The following RMST variants were observed in gnomAD, a reference collection of about 807,000 sequenced individuals.
RMST encodes rhabdomyosarcoma 2 associated transcript.
At chr12:97,501,156 T>A (rs1878034258) in intron 10 of RMST, among the ~76,000 whole-genome samples, 1 of 152,202 alleles carries the variant, frequency 6.6e-6, no homozygotes. Flanking sequence ...GGCAGTTTTC[T>A]TATTCATTAG....
exon 14 of RMST, chr12:97,564,807 T>C (rs1884410373): frequency 1.3e-5 from 2 of 152,186 alleles, no homozygotes; most frequent in African/African-American, 4.8e-5. Context: ...TTCAAGAATG[T>C]CTAGTTGCAC....
chr12:97,489,033 C>T (rs1318606509), intron 5 of RMST, among the ~76,000 whole-genome samples: 1 of 152,158 alleles, frequency 6.6e-6, no homozygotes, highest in East Asian at 1.9e-4. Context: ...GTTAAAATTG[C>T]ATCACTGCCA....
intron 11 of RMST, among the ~76,000 whole-genome samples, chr12:97,552,523 A>C (rs1033054965): frequency 6.6e-6 from 1 of 152,114 alleles, no homozygotes; most frequent in Admixed American, 6.6e-5. Context: ...TCAGGGGTAC[A>C]AATAAAGGGC....
chr12:97,560,613 C>T (rs555387892), exon 12 of RMST: 18 of 152,198 alleles, frequency 1.2e-4, no homozygotes, highest in African/African-American at 3.9e-4. Flanking sequence ...CTGGATAAGT[C>T]GACGGAGGCA....
chr12:97,477,196 G>A (rs570745342), intron 5 of RMST, among the ~76,000 whole-genome samples: 2 of 152,194 alleles, frequency 1.3e-5, no homozygotes, highest in Admixed American at 1.3e-4. Context: ...GCCCACATGC[G>A]CTTTGAAGTT....
chr12:97,491,245 G>T (rs1393120392), intron 5 of RMST, among the ~76,000 whole-genome samples: 1 of 152,196 alleles, frequency 6.6e-6, no homozygotes, highest in African/African-American at 2.4e-5. Flanking sequence ...TTCCAAAGGT[G>T]ATTAGTGTCG....
chr12:97,531,896 C>T (rs1881656284), intron 11 of RMST, among the ~76,000 whole-genome samples: 1 of 151,876 alleles, frequency 6.6e-6, no homozygotes, highest in Non-Finnish European at 1.5e-5. Flanking sequence ...TTTTAATAAG[C>T]TCATTTAAGC....
At chr12:97,549,562 G>A (rs1266776296) in intron 11 of RMST, among the ~76,000 whole-genome samples, 1 of 152,208 alleles carries the variant, frequency 6.6e-6, no homozygotes, top group Non-Finnish European at 1.5e-5. Flanking sequence ...GTCTCAAGGG[G>A]TAGACCCAAT....
chr12:97,520,113 T>C (rs1880359902), intron 10 of RMST, among the ~76,000 whole-genome samples: 1 of 152,250 alleles, frequency 6.6e-6, no homozygotes, highest in Non-Finnish European at 1.5e-5. Context: ...TTGTCTGGAC[T>C]GACAGTGTCT....
intron 13 of RMST, chr12:97,563,370 C>A (rs1361712147): frequency 4.9e-6 from 1 of 202,528 alleles, no homozygotes; most frequent in African/African-American, 2.4e-5. Context: ...GACTCCCCAC[C>A]TGACCCAAAA....
chr12:97,513,783 A>T (rs1464822911), intron 10 of RMST, among the ~76,000 whole-genome samples: 1 of 152,164 alleles, frequency 6.6e-6, no homozygotes, highest in Non-Finnish European at 1.5e-5. Flanking sequence ...AATGCCATGA[A>T]TTTTTCTGAA....
intron 11 of RMST, among the ~76,000 whole-genome samples, chr12:97,556,807 ATC>A (rs1883736637): frequency 1.3e-5 from 2 of 152,184 alleles, no homozygotes; most frequent in Admixed American, 6.6e-5. Flanking sequence ...TACACTAATT[ATC>A]AAGTTTGATC....
chr12:97,522,619 C>A (rs956952424), intron 10 of RMST, among the ~76,000 whole-genome samples: 2 of 152,070 alleles, frequency 1.3e-5, no homozygotes, highest in Non-Finnish European at 2.9e-5. Flanking sequence ...GTTTGAACAA[C>A]CCATTAATGG....
intron 10 of RMST, among the ~76,000 whole-genome samples, chr12:97,527,825 G>A (rs929630914): frequency 2.6e-5 from 4 of 151,798 alleles, no homozygotes; most frequent in Non-Finnish European, 4.4e-5. Flanking sequence ...TGGTTTCTTA[G>A]GTTTTGAATA....
At chr12:97,498,301 T>A (rs1010235900) in intron 10 of RMST, among the ~76,000 whole-genome samples, 4 of 152,140 alleles carry the variant, frequency 2.6e-5, no homozygotes, top group Admixed American at 1.3e-4. Flanking sequence ...ACCAATTAAG[T>A]TTGGTGCACA....
intron 6 of RMST, chr12:97,493,132 AATTC>A (rs1877038682): frequency 6.6e-6 from 1 of 152,652 alleles, no homozygotes; most frequent in Non-Finnish European, 1.5e-5. Flanking sequence ...ACGTATGCTT[AATTC>A]ATTCAGAAAC....
intron 10 of RMST, among the ~76,000 whole-genome samples, chr12:97,498,813 C>T (rs766132309): frequency 1.1e-4 from 17 of 152,174 alleles, no homozygotes; most frequent in East Asian, 1.9e-4. Flanking sequence ...TTCATCCACA[C>T]GAAGATCTAG....
At chr12:97,562,688 C>T (rs561498065) in intron 13 of RMST, among the ~76,000 whole-genome samples, 1 of 152,320 alleles carries the variant, frequency 6.6e-6, no homozygotes, top group South Asian at 2.1e-4. Flanking sequence ...TGAATATAAA[C>T]TAGAGTTTCA....
chr12:97,479,252 A>G (rs1593138392), intron 5 of RMST, among the ~76,000 whole-genome samples: 1 of 136,504 alleles, frequency 7.3e-6, no homozygotes, highest in African/African-American at 2.8e-5. Flanking sequence ...CAATCTTCCC[A>G]CCTCAGCCTC....
Sources: gnomAD v4.1 joint callset for allele counts (sites outside exome capture counted in the v4.1 genomes callset) on GRCh38, gnomAD v4.1.1 for gene constraint, MANE v1.5 for transcripts, NCBI Gene and HGNC (gene_info 2026-07-23, HGNC 2026-07-21) for gene names.